Variants in SLC11A1 observed in about 807,000 individuals in gnomAD.
SLC11A1 encodes the protein solute carrier family 11 member 1, also known as natural resistance-associated macrophage protein 1.
SLC11A1 carries 59 observed loss-of-function variants against 63.2 expected under a neutral mutation model. The observed-to-expected ratio is 0.93, with a 90% confidence interval of 0.76 to 1.16. The LOEUF (loss-of-function observed/expected upper bound fraction) is 1.16. Ranked by LOEUF, SLC11A1 falls within the 50% of genes most tolerant of loss-of-function variation. SLC11A1 has a pLI of 0.00. For synonymous variants in SLC11A1, 305 were observed against 307.8 expected (o/e 0.99, Z 0.09); for missense variants, 688 against 730.7 (o/e 0.94, Z 0.67).
Position 218,384,308 on chromosome 2 carries a change from C to T in SLC11A1, c.216C>T (p.Phe72=). 5 of 1,609,098 alleles carry T rather than the reference C, an allele frequency of 3.1e-6. No individual in the cohort carries two copies. Among genetic ancestry groups the T allele is most frequent in the Non-Finnish European group, 4.2e-6 (5 of 1,176,482 alleles). Residue 72 remains phenylalanine (F), a synonymous_variant, in exon 3 of 15, where the codon TTC becomes TTT. Transcript: ENST00000233202. The surrounding 1 kb of genome is among the most constrained non-coding windows in gnomAD (Gnocchi z 4.0). The part of the protein sequence containing the change: ...TGPGFLMSIA[F]LDPGNIESDL... ...CTGGCTTCCTCATGAGCATTGCTTT[C>T]CTGGACCCAGGAAACATCGAGTCAG... is the stretch of plus-strand genomic sequence containing the variant.
rs149634854 is a variant in SLC11A1, at chr2:218,394,249, C to T, written c.1388+56C>T. ...GCATCACCACATTTCATCCTCACAG[C>T]CACCCAGAGGTACGAGCTACAATTC... On this transcript the variant is annotated intron_variant, in intron 13 of 14. Transcript: ENST00000233202. 9 of 1,530,690 alleles carry T rather than the reference C, an allele frequency of 5.9e-6. No homozygotes were observed. In the African/African-American group the frequency reaches 9.6e-5, roughly 16 times the overall value. The allele number at this position is 1,530,690 out of a possible 1,614,324, so 94.8% of individuals were successfully genotyped here.
At position 218,395,304 on chromosome 2, in the gene SLC11A1, A is replaced by ACAC; in HGVS notation, c.*269_*270insCAC. 2.3e-6 allele frequency: 1 copy of ACAC among 443,682 alleles called. No homozygotes were observed. The allele number at this position is 443,682 out of a possible 1,614,324, so 27.5% of individuals were successfully genotyped here. On this transcript the variant is annotated 3_prime_UTR_variant, in exon 15 of 15. Transcript: ENST00000233202. Reference sequence around the variant, plus strand: ...TCTGGCACTTGGGACAAAAACAAACAAACGAAAAACATTTCAAAAGGTATT... The same window carrying ACAC: ...TCTGGCACTTGGGACAAAAACAAACACACAACGAAAAACATTTCAAAAGGTATT...
chr2:218,395,255 G>GACC lies in SLC11A1; in HGVS notation c.*221_*222insCCA, dbSNP rs760122291. On this transcript the variant is annotated 3_prime_UTR_variant, in exon 15 of 15. Transcript: ENST00000233202. ...TGGAGACACCACCACCCTTGCCATG[G>GACC]AGGTTAAGCACTTTAACACAGTGTC... 2.7e-4 allele frequency: 153 copies of GACC among 566,792 alleles called. No homozygotes were observed. The highest frequency in any genetic ancestry group is 4.3e-4 in the Non-Finnish European group (137 of 316,564). 35.1% of individuals were successfully genotyped at this position (566,792 alleles called of 1,614,324 possible).
intron 4 of SLC11A1, chr2:218,385,685 C>T (rs1696064010): frequency 2.8e-6 from 1 of 356,050 alleles, no homozygotes; most frequent in Non-Finnish European, 5.5e-6. Flanking sequence ...GCCACTGCAT[C>T]CGGCCCCAAT....
chr2:218,384,026 A>G lies in SLC11A1; in HGVS notation c.151-217A>G. 1 of 372,760 alleles carries G rather than the reference A, an allele frequency of 2.7e-6. No homozygotes were observed. Among genetic ancestry groups the G allele is most frequent in the South Asian group, 8.3e-5 (1 of 12,022 alleles). The allele number at this position is 372,760 out of a possible 1,614,324, so 23.1% of individuals were successfully genotyped here. On this transcript the variant is annotated intron_variant, in intron 2 of 14. Coordinates refer to ENST00000233202, the MANE Select transcript of SLC11A1 (RefSeq NM_000578.4). This position sits in a 1 kb window ranked among gnomAD's most constrained non-coding sequence, Gnocchi z 4.0. ...AGGTGCAAGCCGGCTGCTGAGCTTA[A>G]CAGATCCAGAAAAAGATCCTCTGTG...
In SLC11A1 at chr2:218,391,291, A is replaced by C; in HGVS notation, c.1044+4A>C. ...GGCCGTGGACATTTACCAGGGGGTG[A>C]GCGCGGGTGGGTGGGGAGGGCGTGA... On this transcript the variant is annotated splice_donor_region_variant and intron_variant, in intron 10 of 14. Transcript: ENST00000233202. 1.3e-6 allele frequency: 1 copy of C among 778,534 alleles called. No individual in the cohort carries two copies. The highest frequency in any genetic ancestry group is 2.0e-6 in the Non-Finnish European group (1 of 505,684). 48.2% of individuals were successfully genotyped at this position (778,534 alleles called of 1,614,324 possible). A position where few individuals can be genotyped will look rare whatever the true frequency, so the allele number is the denominator to read the frequency against.
Position 218,396,413 on chromosome 2 carries a change from C to T in SLC11A1, c.*1378C>T, listed in dbSNP as rs947000563. On this transcript the variant is annotated 3_prime_UTR_variant, in exon 15 of 15. Transcript: ENST00000233202. ...GAGGGCCGCAGCGAGGAGAGGCCAA[C>T]AGGCCTTTCCCTAGAGTTGAACCTG... 3.3e-5 allele frequency: 5 copies of T among 152,438 alleles called. No individual in the cohort carries two copies. The highest frequency in any genetic ancestry group is 4.8e-5 in the African/African-American group (2 of 41,476). The allele number at this position is 152,438 out of a possible 1,614,324, so 9.4% of individuals were successfully genotyped here. A position where few individuals can be genotyped will look rare whatever the true frequency, so the allele number is the denominator to read the frequency against.
In SLC11A1 at chr2:218,384,085, C is replaced by T; in HGVS notation, c.151-158C>T. ...GAGCATGCTGCTTCCTCCACCCATG[C>T]CCTCCCCATCCCTTGGGTGGCAGAC... On this transcript the variant is annotated intron_variant, in intron 2 of 14. Coordinates refer to ENST00000233202, the MANE Select transcript of SLC11A1 (RefSeq NM_000578.4). The surrounding 1 kb of genome is among the most constrained non-coding windows in gnomAD (Gnocchi z 4.0). 1.6e-6 allele frequency: 1 copy of T among 615,554 alleles called. No individual in the cohort carries two copies. Among genetic ancestry groups the T allele is most frequent in the Non-Finnish European group, 2.6e-6 (1 of 379,944 alleles). 38.1% of individuals were successfully genotyped at this position (615,554 alleles called of 1,614,324 possible).
At chr2:218,388,100 T>G (rs1214810416) in intron 8 of SLC11A1, 145 bp downstream of exon 8, 2 of 1,019,418 alleles carry the variant, frequency 2.0e-6, no homozygotes, top group African/African-American at 3.3e-5. Context: ...CGGGGCGCCA[T>G]GGCTCACGCC....
chr2:218,390,814 A>C (rs1212082126), intron 9 of SLC11A1, among the ~76,000 whole-genome samples: 1 of 152,128 alleles, frequency 6.6e-6, no homozygotes, highest in Non-Finnish European at 1.5e-5. Flanking sequence ...TACGAACCTA[A>C]AAGAAGCTGG....
chr2:218,395,699 C>T lies in SLC11A1; in HGVS notation c.*664C>T, dbSNP rs1459279400. ...AACTGCTGGATTCAAGTGATCCGCC[C>T]ATCTCCGTCTCCCAAAGTGCTGGGA... On this transcript the variant is annotated 3_prime_UTR_variant, in exon 15 of 15. Coordinates refer to ENST00000233202, the MANE Select transcript of SLC11A1 (RefSeq NM_000578.4). 1 of 152,304 alleles carries T rather than the reference C, an allele frequency of 6.6e-6. No homozygotes were observed. The highest frequency in any genetic ancestry group is 1.5e-5 in the Non-Finnish European group (1 of 68,076). 9.4% of individuals were successfully genotyped at this position (152,304 alleles called of 1,614,324 possible).
At chr2:218,385,356 C>T (rs1281253768) in intron 4 of SLC11A1, 90 bp downstream of exon 4, 2 of 1,539,266 alleles carry the variant, frequency 1.3e-6, no homozygotes, top group Admixed American at 3.4e-5. Context: ...AATACATCAT[C>T]TCACATGGGG....
Position 218,384,067 on chromosome 2 carries a change from C to A in SLC11A1, c.151-176C>A. The A allele has an allele frequency of 1.9e-6, 1 of 536,098 alleles. No homozygotes were observed. Among genetic ancestry groups the A allele is most frequent in the Non-Finnish European group, 3.2e-6 (1 of 315,334 alleles). The allele number at this position is 536,098 out of a possible 1,614,324, so 33.2% of individuals were successfully genotyped here. On this transcript the variant is annotated intron_variant, in intron 2 of 14. Transcript: ENST00000233202. This position sits in a 1 kb window ranked among gnomAD's most constrained non-coding sequence, Gnocchi z 4.0. Reference sequence around the variant, plus strand: ...ATCCTCTGTGACTCATCAGAGCATGCTGCTTCCTCCACCCATGCCCTCCCC... The same window carrying A: ...ATCCTCTGTGACTCATCAGAGCATGATGCTTCCTCCACCCATGCCCTCCCC...
chr2:218,395,064 C>CA lies in SLC11A1; in HGVS notation c.*30dup. On this transcript the variant is annotated 3_prime_UTR_variant, in exon 15 of 15. Coordinates refer to ENST00000233202, the MANE Select transcript of SLC11A1 (RefSeq NM_000578.4). The stretch of plus-strand genomic sequence containing the variant: ...CACACCAGGGCCTGGCTGGGAGTGG[C>CA]ATGTATGACGTGACTGGCCTGCTGG... The CA allele has an allele frequency of 6.6e-7, 1 of 1,517,364 alleles. No homozygotes were observed. Among genetic ancestry groups the CA allele is most frequent in the East Asian group, 2.4e-5 (1 of 42,104 alleles). 94.0% of individuals were successfully genotyped at this position (1,517,364 alleles called of 1,614,324 possible).
In SLC11A1 at chr2:218,394,615, T is replaced by C; in HGVS notation, c.1389-17T>C. 6.2e-7 allele frequency: 1 copy of C among 1,612,292 alleles called. No homozygotes were observed. Among genetic ancestry groups the C allele is most frequent in the Non-Finnish European group, 8.5e-7 (1 of 1,179,784 alleles). The stretch of plus-strand genomic sequence containing the variant: ...AGCAGCAACCAGCCAGTCCTGAGCC[T>C]CTCTCGTGTCCCCCAGGCTGAACAA... On this transcript the variant is annotated splice_polypyrimidine_tract_variant and intron_variant, in intron 13 of 14. Coordinates refer to ENST00000233202, the MANE Select transcript of SLC11A1 (RefSeq NM_000578.4).
In SLC11A1 at chr2:218,387,982, C is replaced by A. The variant is rs778912145; in HGVS notation, c.795+27C>A. The A allele has an allele frequency of 1.0e-5, 16 of 1,563,566 alleles. No homozygotes were observed. The Middle Eastern group carries it at 1.5e-3, about 150-fold the overall frequency. ...TGAGCAGAGGGGAGGGGAAAGGAGA[C>A]CCCCTCACTCAGTCGGAGCCATGCT... On this transcript the variant is annotated intron_variant, in intron 8 of 14. Transcript: ENST00000233202.
intron 5 of SLC11A1, 22 bp from the exon 6 acceptor site, chr2:218,387,138 A>T (rs757046223): frequency 1.2e-6 from 2 of 1,612,694 alleles, no homozygotes; most frequent in Non-Finnish European, 1.7e-6. Context: ...GGCTGGGCTG[A>T]CCCGGGCCAC....
Position 218,384,366 on chromosome 2 carries a change from G to A in SLC11A1, c.273+1G>A, listed in dbSNP as rs1352434098. The A allele has an allele frequency of 2.5e-6, 4 of 1,602,244 alleles. No individual in the cohort carries two copies. The highest frequency in any genetic ancestry group is 3.4e-6 in the Non-Finnish European group (4 of 1,171,604). On this transcript the variant is annotated splice_donor_variant, in intron 3 of 14. Transcript: ENST00000233202. LOFTEE classifies it high-confidence loss of function. This position sits in a 1 kb window ranked among gnomAD's most constrained non-coding sequence, Gnocchi z 4.0. ...GGCTGGCGCCGTGGCGGGATTCAAA[G>A]TAACTAAGTCGGGACCTGAGTGGGG... is the stretch of plus-strand genomic sequence containing the variant.
Position 218,387,157 on chromosome 2 carries a change from C to A in SLC11A1, c.501-3C>A, listed in dbSNP as rs1199387856. 6.2e-7 allele frequency: 1 copy of A among 1,614,182 alleles called. No homozygotes were observed. The highest frequency in any genetic ancestry group is 8.5e-7 in the Non-Finnish European group (1 of 1,179,984). ...GGGCTGACCCGGGCCACTCTGGTTT[C>A]AGAATCCCACTCTGGGGTGGCGTCC... On this transcript the variant is annotated splice_polypyrimidine_tract_variant and splice_region_variant and intron_variant, in intron 5 of 14. Transcript: ENST00000233202.
Sources: allele counts gnomAD v4.1 joint callset (sites outside exome capture counted in the v4.1 genomes callset), GRCh38; gene constraint gnomAD v4.1.1; non-coding constraint Gnocchi (gnomAD v3.1); transcripts MANE v1.5; gene names NCBI Gene and HGNC (gene_info 2026-07-23, HGNC 2026-07-21).